CACNB2: variants seen among roughly 807,000 people sequenced by gnomAD.
The protein encoded by CACNB2 is voltage-dependent L-type calcium channel subunit beta-2.
In CACNB2, 42 loss-of-function variants were observed where a neutral mutation model predicts 73.3. The ratio of observed to expected loss-of-function variants is 0.57; its 90% CI spans 0.45 to 0.74. The LOEUF (loss-of-function observed/expected upper bound fraction) is 0.74. CACNB2 is among the 30% of genes least tolerant of loss of function. The pLI is 0.00. For synonymous variants in CACNB2, 348 were observed against 310.3 expected, an observed-to-expected ratio of 1.12 and a Z score of -1.28; for missense variants, 940 against 853.0, an observed-to-expected ratio of 1.10 and a Z score of -1.27.
At chr10:18,200,063 A>G (rs1214592351) in intron 2 of CACNB2, among the ~76,000 whole-genome samples, 1 of 151,766 alleles carries the variant, frequency 6.6e-6, no homozygotes, top group African/African-American at 2.4e-5. Flanking sequence ...CACTTCATTT[A>G]GTTTTTGTTT....
chr10:18,413,720 G>A (rs142910863), intron 3 of CACNB2, among the ~76,000 whole-genome samples: 3 of 152,228 alleles, frequency 2.0e-5, no homozygotes, highest in South Asian at 2.1e-4. Context: ...TGGAATGGCT[G>A]CCTGACTTTT....
chr10:18,187,278 A>T (rs554009649), intron 2 of CACNB2, among the ~76,000 whole-genome samples: 1 of 152,210 alleles, frequency 6.6e-6, no homozygotes. Context: ...CACTGGGCAC[A>T]TTCTGTTATT....
chr10:18,284,801 C>CA (rs149917823), intron 2 of CACNB2, among the ~76,000 whole-genome samples: 4,169 of 151,876 alleles, frequency 0.027, 183 homozygotes, highest in African/African-American at 0.096. Context: ...GGTATAAAAA[C>CA]AAAAAAATAT....
Position 18,538,201 on chromosome 10 carries a change from G to A in CACNB2, c.1324G>A (p.Asp442Asn). Residue 442 changes from aspartate to asparagine, a missense_variant, in exon 13 of 14, where the codon GAT becomes AAT. Coordinates refer to ENST00000324631, the MANE Select transcript of CACNB2 (RefSeq NM_201596.3). ...GCAGGAGCTGTTCGATGTGATCTTG[G>A]ATGAGAACCAGCTTGAGGATGCCTG... is the stretch of plus-strand genomic sequence containing the variant. ...CPPELFDVIL[D>N]ENQLEDACEH... The A allele has an allele frequency of 6.2e-7, 1 of 1,614,066 alleles. No homozygotes were observed. The highest frequency in any genetic ancestry group is 8.5e-7 in the Non-Finnish European group (1 of 1,180,006).
intron 3 of CACNB2, among the ~76,000 whole-genome samples, chr10:18,422,572 C>T (rs1201588974): frequency 6.6e-6 from 1 of 152,174 alleles, no homozygotes; most frequent in Non-Finnish European, 1.5e-5. Flanking sequence ...CCTCCCACCC[C>T]AAATAACTTG....
At chr10:18,527,086 A>AGGTGCAGGATAGGGCCG (rs1488807368) in intron 9 of CACNB2, among the ~76,000 whole-genome samples, 17 of 152,218 alleles carry the variant, frequency 1.1e-4, no homozygotes, top group Non-Finnish European at 2.4e-4. Context: ...AACGTAAGGC[A>AGGTGCAGGATAGGGCCG]GGTGCAGGAT....
intron 3 of CACNB2, among the ~76,000 whole-genome samples, chr10:18,449,543 C>A (rs1000005939): frequency 2.0e-5 from 3 of 152,206 alleles, no homozygotes; most frequent in Admixed American, 6.5e-5. Context: ...TAGATACTTA[C>A]ATCGTGCTCT....
intron 5 of CACNB2, among the ~76,000 whole-genome samples, chr10:18,501,311 G>T (rs141381173): frequency 6.6e-6 from 1 of 152,348 alleles, no homozygotes; most frequent in East Asian, 1.9e-4. Context: ...GCCTGGTATG[G>T]CTGGGAGATG....
chr10:18,373,103 A>G (rs1421789090), intron 2 of CACNB2, among the ~76,000 whole-genome samples: 1 of 152,114 alleles, frequency 6.6e-6, no homozygotes, highest in Non-Finnish European at 1.5e-5. Context: ...GGTGTGAGCC[A>G]CAGCACCCAG....
At chr10:18,487,512 G>T (rs1336402780) in intron 3 of CACNB2, among the ~76,000 whole-genome samples, 1 of 152,128 alleles carries the variant, frequency 6.6e-6, no homozygotes, top group Non-Finnish European at 1.5e-5. Flanking sequence ...GAAACCAGGT[G>T]GTTGGTCTCT....
chr10:18,326,310 T>C (rs943564954), intron 2 of CACNB2, among the ~76,000 whole-genome samples: 6 of 152,212 alleles, frequency 3.9e-5, no homozygotes, highest in African/African-American at 1.4e-4. Context: ...ATTCCTCCAG[T>C]GTACTTCATG....
chr10:18,187,172 T>C (rs2034191461), intron 2 of CACNB2, among the ~76,000 whole-genome samples: 1 of 152,068 alleles, frequency 6.6e-6, no homozygotes, highest in African/African-American at 2.4e-5. Context: ...GCCATCAAGA[T>C]GGGTCAGGAG....
intron 2 of CACNB2, among the ~76,000 whole-genome samples, chr10:18,157,506 A>G (rs2032146096): frequency 6.6e-6 from 1 of 152,226 alleles, no homozygotes; most frequent in African/African-American, 2.4e-5. Flanking sequence ...ATTACTGCCT[A>G]TTTGTAACAT....
intron 3 of CACNB2, among the ~76,000 whole-genome samples, chr10:18,438,354 A>G (rs766865995): frequency 5.3e-5 from 8 of 152,030 alleles, no homozygotes; most frequent in Non-Finnish European, 1.2e-4. Flanking sequence ...ATTTCCAACC[A>G]CTGCTAAAGC....
intron 3 of CACNB2, among the ~76,000 whole-genome samples, chr10:18,498,106 A>AT (rs1313026909): frequency 6.6e-6 from 1 of 152,300 alleles, no homozygotes; most frequent in East Asian, 1.9e-4. Flanking sequence ...CTTCACCTTC[A>AT]TTACTTGTAG....
intron 2 of CACNB2, 129 bp downstream of exon 2, chr10:18,151,104 G>A (rs187819841): frequency 5.6e-6 from 4 of 714,794 alleles, no homozygotes; most frequent in Admixed American, 4.3e-5. Flanking sequence ...AAGTGAAGAC[G>A]GTGCTGTTTA....
At chr10:18,157,860 C>A (rs1229913853) in intron 2 of CACNB2, among the ~76,000 whole-genome samples, 3 of 152,198 alleles carry the variant, frequency 2.0e-5, no homozygotes, top group Non-Finnish European at 4.4e-5. Flanking sequence ...CTTTTAACTT[C>A]CTTCTGTACC....
At chr10:18,344,095 T>C (rs2041348882) in intron 2 of CACNB2, among the ~76,000 whole-genome samples, 1 of 150,944 alleles carries the variant, frequency 6.6e-6, no homozygotes, top group Non-Finnish European at 1.5e-5. Flanking sequence ...AAAGTTAGCA[T>C]GTGACTGTGT....
chr10:18,346,743 T>C (rs967701947), intron 2 of CACNB2, among the ~76,000 whole-genome samples: 1 of 150,374 alleles, frequency 6.7e-6, no homozygotes, highest in African/African-American at 2.4e-5. Flanking sequence ...ACTACAGGCA[T>C]GTGCCACCGC....
Sources: gnomAD v4.1 joint callset for allele counts (sites outside exome capture counted in the v4.1 genomes callset) on GRCh38, gnomAD v4.1.1 for gene constraint, MANE v1.5 for transcripts, NCBI Gene and HGNC (gene_info 2026-07-23, HGNC 2026-07-21) for gene names.